Variants in NTM observed in about 807,000 individuals in gnomAD.
The protein encoded by NTM is IgLON family member 2.
Under a neutral mutation model 42.1 loss-of-function variants are expected in NTM, and 13 were observed. The observed-to-expected ratio is 0.31, with a 90% CI of 0.20 to 0.49. NTM has a LOEUF of 0.49. Among genes scored for constraint, NTM ranks in the 20% least tolerant of loss-of-function variants. The pLI is 0.99. For synonymous variants in NTM, 187 were observed against 179.2 expected, an observed-to-expected ratio of 1.04 and a Z score of -0.35; for missense variants, 373 against 452.8, an observed-to-expected ratio of 0.82 and a Z score of 1.60.
chr11:131,459,267 C>A (rs1388783602), intron 1 of NTM, among the ~76,000 whole-genome samples: 1 of 152,222 alleles, frequency 6.6e-6, no homozygotes, highest in Non-Finnish European at 1.5e-5. Context: ...ATTGTCCTCA[C>A]CTGCTTCTCT....
At chr11:131,388,976 C>A (rs1273248646) in intron 1 of NTM, among the ~76,000 whole-genome samples, 4 of 131,230 alleles carry the variant, frequency 3.0e-5, no homozygotes, top group Non-Finnish European at 6.2e-5. Flanking sequence ...CATGCCAATG[C>A]ACTCCAGCCT....
chr11:131,893,024 A>G (rs2051626449), intron 1 of NTM, among the ~76,000 whole-genome samples: 1 of 152,202 alleles, frequency 6.6e-6, no homozygotes, highest in Non-Finnish European at 1.5e-5. Flanking sequence ...GGGGGATTCT[A>G]CCTTGTCTGG....
chr11:131,530,439 A>AAAC (rs1420040203), intron 1 of NTM, among the ~76,000 whole-genome samples: 1 of 150,362 alleles, frequency 6.7e-6, no homozygotes, highest in Non-Finnish European at 1.5e-5. Flanking sequence ...AAAAAAAAAA[A>AAAC]AAAAGACTGA....
intron 3 of NTM, among the ~76,000 whole-genome samples, chr11:132,197,524 G>T (rs574511309): frequency 6.6e-6 from 1 of 151,352 alleles, no homozygotes; most frequent in Non-Finnish European, 1.5e-5. Flanking sequence ...TATTATTTAA[G>T]TTCTAGGGTA....
chr11:131,574,642 T>C (rs2057763952), intron 1 of NTM, among the ~76,000 whole-genome samples: 1 of 151,800 alleles, frequency 6.6e-6, no homozygotes, highest in African/African-American at 2.4e-5. Context: ...TCCTGTCCAG[T>C]GATCTACAGT....
rs149191481 is a variant in NTM at position 131,869,285 on chromosome 11, A to G, written c.83-42279A>G. On this transcript the variant is annotated intron_variant, in intron 1 of 8. Transcript: ENST00000683400. Reference sequence around the variant, plus strand: ...AACTCATAGCTGCTTCTCCCCGCCTACGCGCTATGACTTGTTGGAAAACCA... The same window carrying G: ...AACTCATAGCTGCTTCTCCCCGCCTGCGCGCTATGACTTGTTGGAAAACCA... Among the ~76,000 whole-genome samples, 73 of 152,268 alleles carry G rather than the reference A, an allele frequency of 4.8e-4. No individual in the cohort carries two copies. The East Asian group carries it at 0.012, about 26-fold the overall frequency.
intron 1 of NTM, among the ~76,000 whole-genome samples, chr11:131,787,969 G>A (rs1465845445): frequency 6.6e-6 from 1 of 152,156 alleles, no homozygotes; most frequent in African/African-American, 2.4e-5. Context: ...TGGACTCAGT[G>A]TTTTGTTGTG....
chr11:131,751,703 T>C (rs1457746048), intron 1 of NTM, among the ~76,000 whole-genome samples: 1 of 152,016 alleles, frequency 6.6e-6, no homozygotes, highest in African/African-American at 2.4e-5. Flanking sequence ...GAGGTTGCAG[T>C]GAGCCAAGAT....
At chr11:132,143,794 G>A (rs952420036) in intron 2 of NTM, among the ~76,000 whole-genome samples, 9 of 152,046 alleles carry the variant, frequency 5.9e-5, no homozygotes, top group Non-Finnish European at 1.3e-4. Context: ...AACTTATGTC[G>A]TTCCAAATTC....
At chr11:131,584,994 G>A (rs150287285) in intron 1 of NTM, among the ~76,000 whole-genome samples, 5 of 151,292 alleles carry the variant, frequency 3.3e-5, no homozygotes, top group African/African-American at 4.8e-5. Flanking sequence ...GAGGCCAAGG[G>A]GGGTGCAGTG....
chr11:132,057,355 T>A (rs1461771858), intron 2 of NTM, among the ~76,000 whole-genome samples: 2 of 152,208 alleles, frequency 1.3e-5, no homozygotes, highest in East Asian at 3.9e-4. Context: ...AGCAATGTGA[T>A]GTGGTAGTGC....
chr11:131,392,012 T>G (rs945590964), intron 1 of NTM, among the ~76,000 whole-genome samples: 73 of 152,346 alleles, frequency 4.8e-4, no homozygotes, highest in African/African-American at 1.7e-3. Flanking sequence ...AAAATTTAAC[T>G]TTGATTTCAA....
intron 2 of NTM, among the ~76,000 whole-genome samples, chr11:132,016,599 T>G (rs929083259): frequency 6.6e-6 from 1 of 152,024 alleles, no homozygotes; most frequent in African/African-American, 2.4e-5. Context: ...AATGCTGCTA[T>G]GAACATTCAC....
intron 1 of NTM, among the ~76,000 whole-genome samples, chr11:131,824,698 A>G (rs1158488149): frequency 6.6e-6 from 1 of 152,220 alleles, no homozygotes; most frequent in Non-Finnish European, 1.5e-5. Context: ...TTATGAGCTG[A>G]AACATGTTGA....
At chr11:131,976,477 G>A (rs2134805061) in intron 2 of NTM, among the ~76,000 whole-genome samples, 1 of 152,166 alleles carries the variant, frequency 6.6e-6, no homozygotes, top group Admixed American at 6.5e-5. Context: ...TTGTTGAATA[G>A]ATTCATGTTT....
intron 1 of NTM, among the ~76,000 whole-genome samples, chr11:131,379,346 G>A (rs1232054421): frequency 1.3e-5 from 2 of 152,192 alleles, no homozygotes; most frequent in Non-Finnish European, 2.9e-5. Context: ...GGAAGAAGAG[G>A]CAGGGGAAGA....
intron 3 of NTM, among the ~76,000 whole-genome samples, chr11:132,180,898 G>GA (rs374018298): frequency 2.7e-4 from 41 of 149,440 alleles, no homozygotes; most frequent in South Asian, 8.5e-4. Flanking sequence ...GAAGCTTCAG[G>GA]AAAAAAAAAT....
intron 1 of NTM, among the ~76,000 whole-genome samples, chr11:131,398,610 G>A (rs948879196): frequency 6.6e-6 from 1 of 152,142 alleles, no homozygotes. Context: ...GGACATTTAT[G>A]TTGTTCTAAT....
intron 1 of NTM, among the ~76,000 whole-genome samples, chr11:131,818,611 CTGAT>C (rs2093047669): frequency 1.3e-5 from 2 of 152,178 alleles, no homozygotes; most frequent in South Asian, 4.1e-4. Context: ...ACAGGCCACA[CTGAT>C]TCATCCAACA....
Sources: allele counts gnomAD v4.1 joint callset (sites outside exome capture counted in the v4.1 genomes callset), GRCh38; gene constraint gnomAD v4.1.1; transcripts MANE v1.5; gene names NCBI Gene and HGNC (gene_info 2026-07-23, HGNC 2026-07-21).